Variants in MED12L observed in about 807,000 individuals in gnomAD.
MED12L encodes mediator of RNA polymerase II transcription subunit 12-like protein.
MED12L carries 60 observed loss-of-function variants against 281.3 expected under a neutral mutation model. The ratio of observed to expected loss-of-function variants is 0.21; its 90% CI spans 0.17 to 0.26. MED12L has a LOEUF of 0.26. Ranked by LOEUF, MED12L falls within the 10% of genes least tolerant of loss-of-function variation. The pLI is 1.00. For synonymous variants in MED12L, 974 were observed against 987.2 expected (o/e 0.99, Z 0.25); for missense variants, 2,146 against 2,680.9 (o/e 0.80, Z 4.41).
chr3:151,130,526 A>G (rs191233772), intron 5 of MED12L, among the ~76,000 whole-genome samples: 78 of 152,264 alleles, frequency 5.1e-4, no homozygotes, highest in African/African-American at 1.6e-3. Context: ...AGCCAGAATG[A>G]TCCTGTTAGG....
Position 151,311,168 on chromosome 3 carries a change from C to G in MED12L, c.2251-38891C>G, listed in dbSNP as rs565603170. Among the ~76,000 whole-genome samples, 92 of 152,176 alleles carry G rather than the reference C, an allele frequency of 6.0e-4. 1 individual carries two copies. Among genetic ancestry groups the G allele is most frequent in the African/African-American group, 2.2e-3 (91 of 41,536 alleles). ...GACTGTAAACTGGATATAAACAGACCATGGTAAGATCCAGCATGACTCTGT... is the reference window on the plus strand; with the variant it reads ...GACTGTAAACTGGATATAAACAGACGATGGTAAGATCCAGCATGACTCTGT... On this transcript the variant is annotated intron_variant, in intron 16 of 44. Coordinates refer to ENST00000687756, the MANE Select transcript of MED12L (RefSeq NM_001393769.1).
chr3:151,087,346 CTTTA>C (rs996287362), intron 2 of MED12L, among the ~76,000 whole-genome samples: 15 of 152,240 alleles, frequency 9.9e-5, no homozygotes, highest in Admixed American at 2.6e-4. Context: ...TTTCTGCCTG[CTTTA>C]TTTTTCTTCT....
chr3:151,199,422 G>GA (rs773771759), intron 16 of MED12L: 19 of 1,540,904 alleles, frequency 1.2e-5, no homozygotes, highest in African/African-American at 1.4e-5. Flanking sequence ...TTATTGAAAA[G>GA]AAAAAATTTC....
Position 151,226,499 on chromosome 3 carries a change from AGG to A in MED12L, c.2250+32835_2250+32836del, listed in dbSNP as rs371312011. 6.0e-4 allele frequency among the ~76,000 whole-genome samples: 91 copies of A among 152,344 alleles called. 1 individual carries two copies. In the East Asian group the frequency reaches 0.011, roughly 19 times the overall value. ...ACTAATGTCTGATTGATTCCAAGCC[AGG>A]GCTCCCCTGCTCCTGAAAGAATGTG... On this transcript the variant is annotated intron_variant, in intron 16 of 44. Coordinates refer to ENST00000687756, the MANE Select transcript of MED12L (RefSeq NM_001393769.1).
chr3:151,237,322 G>A (rs1733048110), intron 16 of MED12L, among the ~76,000 whole-genome samples: 1 of 146,360 alleles, frequency 6.8e-6, no homozygotes, highest in Non-Finnish European at 1.5e-5. Flanking sequence ...ACAGGCGTGA[G>A]CCACCACGCC....
At chr3:151,394,895 C>T in intron 39 of MED12L, 28 bp downstream of exon 39, 3 of 1,612,196 alleles carry the variant, frequency 1.9e-6, no homozygotes, top group East Asian at 2.2e-5. Flanking sequence ...CAATGGAGTC[C>T]TTTGCATTTT....
At chr3:151,111,820 G>T (rs2148712311) in intron 2 of MED12L, among the ~76,000 whole-genome samples, 1 of 152,276 alleles carries the variant, frequency 6.6e-6, no homozygotes, top group African/African-American at 2.4e-5. Flanking sequence ...CACTGGAAGT[G>T]CTGTGGAAAT....
chr3:151,148,620 C>T (rs865838962), intron 5 of MED12L, among the ~76,000 whole-genome samples: 2 of 152,276 alleles, frequency 1.3e-5, no homozygotes, highest in East Asian at 1.9e-4. Flanking sequence ...AGTCCATCAC[C>T]TCTGACTTAA....
rs1752945637 is a variant in MED12L at position 151,349,336 on chromosome 3, C to T, written c.2251-723C>T. Among the ~76,000 whole-genome samples the T allele has an allele frequency of 1.3e-5, 2 of 152,270 alleles. 1 individual carries two copies. Among genetic ancestry groups the T allele is most frequent in the South Asian group, 4.1e-4 (2 of 4,828 alleles). On this transcript the variant is annotated intron_variant, in intron 16 of 44. Transcript: ENST00000687756. ...GAAGGGAAGAGTGGTGATGTCAGAA[C>T]ATGTTTGCATTTTCAGCTGTTTGCC...
At chr3:151,165,750 A>C in intron 10 of MED12L, 96 bp from the exon 11 acceptor site, 1 of 1,334,932 alleles carries the variant, frequency 7.5e-7, no homozygotes, top group East Asian at 2.3e-5. Context: ...AATTAAAAAA[A>C]AATTCTTTTG....
intron 16 of MED12L, among the ~76,000 whole-genome samples, chr3:151,227,765 A>T (rs995365287): frequency 2.2e-4 from 33 of 152,310 alleles, no homozygotes; most frequent in African/African-American, 7.2e-4. Context: ...ATGGACCTGT[A>T]ATTTTTTGCC....
At chr3:151,359,014 A>G (rs1016522008) in intron 20 of MED12L, among the ~76,000 whole-genome samples, 4 of 152,166 alleles carry the variant, frequency 2.6e-5, no homozygotes, top group Non-Finnish European at 1.5e-5. Flanking sequence ...GTTTCAGGTT[A>G]TGATTGAAAC....
intron 34 of MED12L, 69 bp downstream of exon 34, chr3:151,383,957 G>A (rs1712870999): frequency 6.7e-7 from 1 of 1,498,198 alleles, no homozygotes; most frequent in South Asian, 1.2e-5. Context: ...TATACTGATG[G>A]CGATTTCTGC....
chr3:151,195,791 A>C (rs1033202627), intron 16 of MED12L, among the ~76,000 whole-genome samples: 4 of 152,234 alleles, frequency 2.6e-5, no homozygotes, highest in Non-Finnish European at 2.9e-5. Flanking sequence ...TGGTTCTCTT[A>C]AGTCATTTAC....
intron 19 of MED12L, among the ~76,000 whole-genome samples, 183 bp from the exon 20 acceptor site, chr3:151,357,030 C>A (rs1246361647): frequency 6.6e-6 from 1 of 151,970 alleles, no homozygotes; most frequent in African/African-American, 2.4e-5. Context: ...TTGTATACAT[C>A]CTGATGTCTA....
At chr3:151,116,874 A>G (rs978188501) in intron 3 of MED12L, among the ~76,000 whole-genome samples, 2 of 152,202 alleles carry the variant, frequency 1.3e-5, no homozygotes, top group South Asian at 2.1e-4. Flanking sequence ...ACTATTGGCT[A>G]TAGTTTGATC....
At chr3:151,318,954 C>A (rs1179535218) in intron 16 of MED12L, among the ~76,000 whole-genome samples, 1 of 152,122 alleles carries the variant, frequency 6.6e-6, no homozygotes, top group Admixed American at 6.5e-5. Context: ...TTTTCCTTTC[C>A]CAATACCTCT....
At chr3:151,418,865 T>C (rs1717931658) in intron 43 of MED12L, among the ~76,000 whole-genome samples, 1 of 152,268 alleles carries the variant, frequency 6.6e-6, no homozygotes, top group Admixed American at 6.5e-5. Context: ...TTTTTAATTC[T>C]TTTAATTATG....
intron 16 of MED12L, among the ~76,000 whole-genome samples, chr3:151,348,573 CT>C (rs542135245): frequency 3.0e-3 from 401 of 132,224 alleles, no homozygotes; most frequent in East Asian, 5.1e-3. Context: ...CTCCTAGCTT[CT>C]TTTTTTTTTT....
Sources: allele counts gnomAD v4.1 joint callset (sites outside exome capture counted in the v4.1 genomes callset), GRCh38; gene constraint gnomAD v4.1.1; transcripts MANE v1.5; gene names NCBI Gene and HGNC (gene_info 2026-07-23, HGNC 2026-07-21).